The following PLEKHG1 variants were observed in gnomAD, a reference collection of about 807,000 sequenced individuals.
PLEKHG1 encodes pleckstrin homology and RhoGEF domain containing G1, also known as pleckstrin homology domain-containing family G member 1.
In PLEKHG1, 44 loss-of-function variants were observed where a neutral mutation model predicts 100.8. That is an observed-to-expected ratio of 0.44 (90% CI 0.34 to 0.56). PLEKHG1 has a LOEUF of 0.56. Among genes scored for constraint, PLEKHG1 ranks in the 20% least tolerant of loss-of-function variants. The probability of loss-of-function intolerance (pLI) is 0.01; values close to 1 mark genes in which losing one functional copy is unlikely to be tolerated. For missense variants in PLEKHG1, 1,545 were observed against 1,720.9 expected (o/e 0.90, Z 1.81); for synonymous variants, 640 against 662.5 (o/e 0.97, Z 0.52).
At chr6:150,818,506 C>A (rs765358587) in intron 11 of PLEKHG1, among the ~76,000 whole-genome samples, 5 of 152,188 alleles carry the variant, frequency 3.3e-5, no homozygotes, top group Non-Finnish European at 5.9e-5. Flanking sequence ...CCTACCCCTG[C>A]CCCAACCTCT....
chr6:150,600,536 G>GGGC lies in PLEKHG1; in HGVS notation c.-204+526_-204+528dup, dbSNP rs1776302500. ...CCGAGGACCCGGGGACGCGCGGTGG[G>GGGC]GGCGGCGGCCGAGCTGCTGCGGCGC... On this transcript the variant is annotated intron_variant, in intron 1 of 3. Coordinates refer to the PLEKHG1 transcript ENST00000367326. The surrounding 1 kb of genome is among the most constrained non-coding windows in gnomAD (Gnocchi z 6.2). Among the ~76,000 whole-genome samples the GGGC allele has an allele frequency of 6.6e-6, 1 of 152,220 alleles. No homozygotes were observed.
At chr6:150,782,854 G>T (rs1219814831) in intron 3 of PLEKHG1, among the ~76,000 whole-genome samples, 3 of 152,088 alleles carry the variant, frequency 2.0e-5, no homozygotes, top group Non-Finnish European at 4.4e-5. Context: ...TGACGTTGTG[G>T]CTCATTTTCA....
At chr6:150,737,871 A>T (rs779338251) in intron 2 of PLEKHG1, among the ~76,000 whole-genome samples, 1 of 151,670 alleles carries the variant, frequency 6.6e-6, no homozygotes, top group Non-Finnish European at 1.5e-5. Context: ...TGGCACGATC[A>T]TGACTCACTG....
intron 15 of PLEKHG1, among the ~76,000 whole-genome samples, chr6:150,838,426 C>T (rs1170975115): frequency 6.6e-6 from 1 of 152,178 alleles, no homozygotes; most frequent in African/African-American, 2.4e-5. Flanking sequence ...TTAAAAAGCT[C>T]ATCAGCTATC....
chr6:150,753,782 T>G (rs930454435), intron 2 of PLEKHG1, among the ~76,000 whole-genome samples: 33 of 152,096 alleles, frequency 2.2e-4, no homozygotes, highest in South Asian at 8.3e-4. Context: ...AGAGGTGGTG[T>G]TGTAAAAAAA....
intron 2 of PLEKHG1, among the ~76,000 whole-genome samples, chr6:150,761,929 G>A (rs1323363164): frequency 6.6e-6 from 1 of 152,146 alleles, no homozygotes; most frequent in African/African-American, 2.4e-5. Context: ...CCCCTTTCAG[G>A]AGGAGGTAGC....
chr6:150,770,767 C>G (rs911747285), intron 3 of PLEKHG1, among the ~76,000 whole-genome samples: 3 of 152,206 alleles, frequency 2.0e-5, no homozygotes, highest in Non-Finnish European at 4.4e-5. Flanking sequence ...CTGTGAGCCC[C>G]TGCACAGTTT....
At chr6:150,814,304 G>T (rs914578695) in intron 10 of PLEKHG1, among the ~76,000 whole-genome samples, 3 of 152,250 alleles carry the variant, frequency 2.0e-5, no homozygotes, top group Admixed American at 6.5e-5. Flanking sequence ...CTGAAAGGCA[G>T]TTACAAAATG....
intron 1 of PLEKHG1, among the ~76,000 whole-genome samples, chr6:150,722,349 C>CTTTTTTTTTTTTT (rs139069069): frequency 3.3e-5 from 3 of 90,678 alleles, no homozygotes; most frequent in Non-Finnish European, 6.4e-5. Flanking sequence ...TTTTTCTTTT[C>CTTTTTTTTTTTTT]TTTTTTTTTT....
chr6:150,788,965 CAT>C (rs1464274588), intron 4 of PLEKHG1, among the ~76,000 whole-genome samples: 8 of 152,248 alleles, frequency 5.3e-5, no homozygotes, highest in Admixed American at 4.6e-4. Flanking sequence ...ATTGGATAGT[CAT>C]ATGATTAGAG....
At chr6:150,658,677 G>A (rs17080057) in intron 3 of PLEKHG1, among the ~76,000 whole-genome samples, 12,757 of 152,098 alleles carry the variant, frequency 0.084, 617 homozygotes, top group South Asian at 0.17. Flanking sequence ...TCTCCTCTTT[G>A]AGGAAATGAA....
At chr6:150,745,580 G>A (rs536891856) in intron 2 of PLEKHG1, among the ~76,000 whole-genome samples, 2 of 151,990 alleles carry the variant, frequency 1.3e-5, no homozygotes, top group African/African-American at 4.8e-5. Context: ...CTACTCAGGA[G>A]GCTGAGGCAG....
intron 1 of PLEKHG1, among the ~76,000 whole-genome samples, chr6:150,620,453 C>T (rs968923169): frequency 2.6e-5 from 4 of 152,218 alleles, no homozygotes; most frequent in African/African-American, 4.8e-5. Context: ...TTTGTCCCCC[C>T]AGACCCCTTC....
At chr6:150,612,049 C>CA (rs966386501) in intron 1 of PLEKHG1, among the ~76,000 whole-genome samples, 12 of 89,034 alleles carry the variant, frequency 1.3e-4, no homozygotes, top group Admixed American at 6.8e-4. Flanking sequence ...TGTTGTTCCC[C>CA]CCCCCCCCCC....
intron 15 of PLEKHG1, among the ~76,000 whole-genome samples, chr6:150,835,357 G>A (rs1469151918): frequency 6.6e-6 from 1 of 152,044 alleles, no homozygotes; most frequent in Non-Finnish European, 1.5e-5. Flanking sequence ...GTGTAGAGTA[G>A]GGAAGGCACA....
rs60462437 is a variant in PLEKHG1 at position 150,763,024 on chromosome 6, C to CTTTTTTTTTTTTTTTTTT, written c.412-5611_412-5594dup. Among the ~76,000 whole-genome samples the CTTTTTTTTTTTTTTTTTT allele has an allele frequency of 1.6e-3, 126 of 76,494 alleles. 6 individuals carry two copies. The highest frequency in any genetic ancestry group is 2.0e-3 in the Non-Finnish European group (94 of 46,796). 50.2% of individuals were successfully genotyped at this position (76,494 alleles called of 152,430 possible). On this transcript the variant is annotated intron_variant, in intron 2 of 15. Transcript: ENST00000358517. ...AGCACCAACAGGAGGGATAAAGCTT[C>CTTTTTTTTTTTTTTTTTT]TTTTTTTTTTTTTTTTTTTTGAGAC...
At chr6:150,638,595 T>C (rs7741851) in intron 2 of PLEKHG1, among the ~76,000 whole-genome samples, 8,192 of 152,132 alleles carry the variant, frequency 0.054, 533 homozygotes, top group African/African-American at 0.14. Context: ...TTCCCAAACA[T>C]GAGAGGGAGA....
At chr6:150,729,243 T>G (rs1307493441) in intron 1 of PLEKHG1, among the ~76,000 whole-genome samples, 1 of 152,144 alleles carries the variant, frequency 6.6e-6, no homozygotes, top group Non-Finnish European at 1.5e-5. Context: ...ATTTTTTGTA[T>G]TTGAGATGGG....
intron 3 of PLEKHG1, among the ~76,000 whole-genome samples, chr6:150,713,590 G>A (rs1484552859): frequency 6.6e-6 from 1 of 152,164 alleles, no homozygotes; most frequent in Non-Finnish European, 1.5e-5. Context: ...ATGACCCCAA[G>A]GATGGTAATT....
Sources: gnomAD v4.1 joint callset for allele counts (sites outside exome capture counted in the v4.1 genomes callset) on GRCh38, gnomAD v4.1.1 for gene constraint, Gnocchi (gnomAD v3.1) non-coding constraint, MANE v1.5 for transcripts, NCBI Gene and HGNC (gene_info 2026-07-23, HGNC 2026-07-21) for gene names.